Variants in PCDH7 observed in about 807,000 individuals in gnomAD.
PCDH7 encodes the protein protocadherin-7.
Under a neutral mutation model 58.9 loss-of-function variants are expected in PCDH7, and 17 were observed. The ratio of observed to expected loss-of-function variants is 0.29; its 90% CI spans 0.20 to 0.43. PCDH7 has a LOEUF of 0.43. Among genes scored for constraint, PCDH7 ranks in the 20% least tolerant of loss-of-function variants. PCDH7 has a pLI of 1.00. For missense variants in PCDH7, 1,274 were observed against 1,441.0 expected (o/e 0.88, Z 1.88); for synonymous variants, 664 against 616.4 (o/e 1.08, Z -1.14).
chr4:30,940,765 T>C (rs7692684), intron 2 of PCDH7, among the ~76,000 whole-genome samples: 73,101 of 151,746 alleles, frequency 0.48, 17,830 homozygotes, highest in African/African-American at 0.56. Flanking sequence ...TGATGATAGT[T>C]AACCAATTCA....
At chr4:30,842,565 G>T (rs1363198333) in intron 1 of PCDH7, among the ~76,000 whole-genome samples, 1 of 152,138 alleles carries the variant, frequency 6.6e-6, no homozygotes, top group Non-Finnish European at 1.5e-5. Context: ...TGTATTCAGT[G>T]AGTGGATGGA....
At chr4:31,095,507 G>A (rs1012067481) in intron 3 of PCDH7, among the ~76,000 whole-genome samples, 13 of 152,058 alleles carry the variant, frequency 8.5e-5, no homozygotes, top group African/African-American at 3.1e-4. Context: ...ACTTCTGTTA[G>A]GGTTGTTTGT....
intron 3 of PCDH7, among the ~76,000 whole-genome samples, chr4:31,051,164 A>G (rs1394233305): frequency 6.6e-6 from 1 of 152,090 alleles, no homozygotes; most frequent in African/African-American, 2.4e-5. Flanking sequence ...TGAATCCCCA[A>G]GCAAACATGC....
rs2109231225 is a variant in PCDH7, at chr4:31,056,722, G to C, written c.*8-85751G>C. On this transcript the variant is annotated intron_variant, in intron 3 of 3. Coordinates refer to the PCDH7 transcript ENST00000509759. ...CAAGAGAGAAAGAGAAAAAGGAAGG[G>C]AAAGAAAGAGAAACGAAAGCAAAGA... Among the ~76,000 whole-genome samples the C allele has an allele frequency of 1.3e-5, 2 of 151,366 alleles. 1 individual carries two copies. The highest frequency in any genetic ancestry group is 4.2e-4 in the South Asian group (2 of 4,778).
At chr4:30,759,105 C>A (rs1439619889) in intron 1 of PCDH7, among the ~76,000 whole-genome samples, 1 of 151,892 alleles carries the variant, frequency 6.6e-6, no homozygotes, top group African/African-American at 2.4e-5. Context: ...TGACGCCCAG[C>A]TAATTTTTGT....
chr4:31,073,398 T>A (rs1041990882), intron 3 of PCDH7, among the ~76,000 whole-genome samples: 13 of 152,308 alleles, frequency 8.5e-5, no homozygotes, highest in African/African-American at 3.1e-4. Context: ...AATGTGTCAA[T>A]CATTACAAAG....
chr4:30,886,174 A>T (rs1472497574), intron 1 of PCDH7, among the ~76,000 whole-genome samples: 1 of 150,348 alleles, frequency 6.7e-6, no homozygotes, highest in Non-Finnish European at 1.5e-5. Flanking sequence ...CTACCATCAG[A>T]GTGAACAGGC....
At chr4:30,808,771 C>T (rs1726593317) in intron 1 of PCDH7, among the ~76,000 whole-genome samples, 1 of 152,056 alleles carries the variant, frequency 6.6e-6, no homozygotes, top group African/African-American at 2.4e-5. Flanking sequence ...ATTTTACATA[C>T]AGATAATTAG....
chr4:31,093,109 G>A (rs1713479659), intron 3 of PCDH7, among the ~76,000 whole-genome samples: 1 of 152,044 alleles, frequency 6.6e-6, no homozygotes, highest in Non-Finnish European at 1.5e-5. Context: ...CCAGTGATGG[G>A]CACATGGATG....
chr4:31,078,639 ATTTTTTTTTTTT>A (rs10709152), intron 3 of PCDH7, among the ~76,000 whole-genome samples: 1 of 73,564 alleles, frequency 1.4e-5, no homozygotes, highest in Non-Finnish European at 2.5e-5. Flanking sequence ...ACCATGCCCC[ATTTTTTTTTTTT>A]TTTTTTTTTT....
At chr4:30,742,766 T>C (rs555531568) in intron 1 of PCDH7, among the ~76,000 whole-genome samples, 1 of 152,286 alleles carries the variant, frequency 6.6e-6, no homozygotes, top group African/African-American at 2.4e-5. Context: ...TAATTCGGCT[T>C]CATATGAGAA....
At chr4:31,070,123 A>G (rs569466152) in intron 3 of PCDH7, among the ~76,000 whole-genome samples, 12 of 152,170 alleles carry the variant, frequency 7.9e-5, no homozygotes, top group African/African-American at 2.6e-4. Flanking sequence ...CTTTCCATTG[A>G]ATGCTGAATT....
intron 3 of PCDH7, among the ~76,000 whole-genome samples, chr4:31,041,950 A>G (rs1755902522): frequency 6.6e-6 from 1 of 152,160 alleles, no homozygotes; most frequent in African/African-American, 2.4e-5. Context: ...GTTGTGTGCA[A>G]CAGGGGACAA....
intron 1 of PCDH7, among the ~76,000 whole-genome samples, chr4:30,877,189 G>A (rs2109366960): frequency 6.6e-6 from 1 of 152,130 alleles, no homozygotes; most frequent in Non-Finnish European, 1.5e-5. Context: ...GGGGAGTGTG[G>A]AAAGAATAAC....
At chr4:30,768,753 T>A (rs562015371) in intron 1 of PCDH7, among the ~76,000 whole-genome samples, 2 of 152,366 alleles carry the variant, frequency 1.3e-5, no homozygotes, top group East Asian at 3.9e-4. Context: ...TCTTGCTATT[T>A]CCTACGTATC....
intron 3 of PCDH7, among the ~76,000 whole-genome samples, chr4:31,092,265 A>G (rs779335177): frequency 6.6e-6 from 1 of 152,032 alleles, no homozygotes; most frequent in African/African-American, 2.4e-5. Context: ...TATCTTTGTT[A>G]GCTATGAAGT....
intron 2 of PCDH7, among the ~76,000 whole-genome samples, chr4:30,926,420 G>C (rs1418548280): frequency 3.9e-5 from 6 of 152,026 alleles, no homozygotes; most frequent in Admixed American, 1.3e-4. Flanking sequence ...TCCTGACTTC[G>C]TGATCTGCCT....
chr4:30,793,308 A>G (rs1038655732), intron 1 of PCDH7, among the ~76,000 whole-genome samples: 1 of 152,186 alleles, frequency 6.6e-6, no homozygotes, highest in African/African-American at 2.4e-5. Context: ...CTGCTTAGTA[A>G]CTGTGCTCTT....
At chr4:31,002,808 T>C (rs921340243) in intron 3 of PCDH7, among the ~76,000 whole-genome samples, 1 of 152,200 alleles carries the variant, frequency 6.6e-6, no homozygotes, top group African/African-American at 2.4e-5. Context: ...CCAAATATTT[T>C]GACATGTGCA....
Sources: allele counts gnomAD v4.1 joint callset (sites outside exome capture counted in the v4.1 genomes callset), GRCh38; gene constraint gnomAD v4.1.1; transcripts MANE v1.5; gene names NCBI Gene and HGNC (gene_info 2026-07-23, HGNC 2026-07-21).